The following ARHGAP18 variants were observed in gnomAD, a reference collection of about 807,000 sequenced individuals.
ARHGAP18 encodes Rho GTPase activating protein 18, also known as rho GTPase-activating protein 18.
In ARHGAP18, 67 loss-of-function variants were observed where a neutral mutation model predicts 86.2. The observed-to-expected ratio is 0.78, with a 90% confidence interval of 0.64 to 0.95. The LOEUF (loss-of-function observed/expected upper bound fraction) is 0.95, where lower values mean the gene tolerates loss of function less well. Ranked by LOEUF, ARHGAP18 falls within the 40% of genes least tolerant of loss-of-function variation. The pLI, the probability that ARHGAP18 is intolerant of heterozygous loss-of-function variation, is 0.00. For synonymous variants in ARHGAP18, 283 were observed against 280.4 expected (o/e 1.01, Z -0.09); for missense variants, 691 against 780.4 (o/e 0.89, Z 1.37).
chr6:129,702,118 T>A (rs1258917206), intron 1 of ARHGAP18, among the ~76,000 whole-genome samples: 2 of 152,222 alleles, frequency 1.3e-5, no homozygotes, highest in African/African-American at 4.8e-5. Context: ...GAAAAGGAGA[T>A]GAGGTTTCAT....
chr6:129,605,789 G>T, intron 10 of ARHGAP18, 88 bp downstream of exon 10: 1 of 1,196,950 alleles, frequency 8.4e-7, no homozygotes, highest in Non-Finnish European at 1.2e-6. Context: ...CCATGTCCAA[G>T]ATACACATCT....
At chr6:129,596,872 C>T (rs1788624614) in intron 12 of ARHGAP18, 2 of 152,192 alleles carry the variant, frequency 1.3e-5, no homozygotes, top group Non-Finnish European at 2.9e-5. Flanking sequence ...GGAAAGCAGG[C>T]CTCTTACTGC....
chr6:129,595,133 T>C (rs577723432), intron 12 of ARHGAP18, among the ~76,000 whole-genome samples: 72 of 101,096 alleles, frequency 7.1e-4, no homozygotes, highest in African/African-American at 3.6e-3. Context: ...CTACCATAAA[T>C]ATTACGAGAC....
At chr6:129,621,664 A>G (rs1242757273) in intron 5 of ARHGAP18, among the ~76,000 whole-genome samples, 1 of 152,236 alleles carries the variant, frequency 6.6e-6, no homozygotes, top group Non-Finnish European at 1.5e-5. Flanking sequence ...CTCAAAAAGT[A>G]TTACATATTA....
At chr6:129,702,715 G>C (rs1292779696) in intron 1 of ARHGAP18, among the ~76,000 whole-genome samples, 1 of 152,120 alleles carries the variant, frequency 6.6e-6, no homozygotes, top group Non-Finnish European at 1.5e-5. Flanking sequence ...GAAGAGGCAG[G>C]AGGGCCAGGC....
chr6:129,609,838 G>A (rs1788941737), intron 8 of ARHGAP18, among the ~76,000 whole-genome samples: 1 of 152,020 alleles, frequency 6.6e-6, no homozygotes, highest in South Asian at 2.1e-4. Context: ...TATGTAGTAA[G>A]AGCCAAGGAG....
chr6:129,606,654 T>C (rs1311352569), intron 9 of ARHGAP18, among the ~76,000 whole-genome samples: 1 of 152,124 alleles, frequency 6.6e-6, no homozygotes, highest in Non-Finnish European at 1.5e-5. Context: ...CATTAAAAAA[T>C]ATTTCCCACA....
intron 1 of ARHGAP18, among the ~76,000 whole-genome samples, chr6:129,662,151 T>C (rs551191931): frequency 5.9e-5 from 9 of 152,266 alleles, no homozygotes; most frequent in Non-Finnish European, 1.2e-4. Flanking sequence ...AAAATATATC[T>C]TTAATGGTTT....
At chr6:129,580,673 G>A (rs1466740706) in intron 13 of ARHGAP18, among the ~76,000 whole-genome samples, 1 of 152,082 alleles carries the variant, frequency 6.6e-6, no homozygotes, top group African/African-American at 2.4e-5. Context: ...GATCGCTTGA[G>A]CCCAGTCTGG....
At chr6:129,670,252 G>A (rs1407097112) in intron 1 of ARHGAP18, among the ~76,000 whole-genome samples, 1 of 152,178 alleles carries the variant, frequency 6.6e-6, no homozygotes, top group Non-Finnish European at 1.5e-5. Context: ...TTTAAAAAAG[G>A]AAATAAACCT....
At chr6:129,637,708 G>A (rs1048388710) in intron 3 of ARHGAP18, among the ~76,000 whole-genome samples, 1 of 152,166 alleles carries the variant, frequency 6.6e-6, no homozygotes, top group Non-Finnish European at 1.5e-5. Flanking sequence ...CAATCTCGCT[G>A]TTTCTGTACC....
chr6:129,680,648 G>A (rs996304748), intron 1 of ARHGAP18, among the ~76,000 whole-genome samples: 14 of 152,334 alleles, frequency 9.2e-5, no homozygotes, highest in South Asian at 2.1e-4. Flanking sequence ...AGGATCAGAG[G>A]TAAATCTGGG....
intron 10 of ARHGAP18, 114 bp from the exon 11 acceptor site, chr6:129,600,962 G>T: frequency 1.2e-6 from 1 of 852,860 alleles, no homozygotes; most frequent in Non-Finnish European, 1.8e-6. Context: ...TATAAGCACA[G>T]TCAACTAATC....
intron 1 of ARHGAP18, among the ~76,000 whole-genome samples, chr6:129,680,288 G>C (rs1774303398): frequency 6.6e-6 from 1 of 152,150 alleles, no homozygotes; most frequent in African/African-American, 2.4e-5. Flanking sequence ...TACTAAGCCA[G>C]AGCATTTACA....
chr6:129,684,712 G>C (rs1228986295), intron 1 of ARHGAP18, among the ~76,000 whole-genome samples: 1 of 152,142 alleles, frequency 6.6e-6, no homozygotes, highest in Non-Finnish European at 1.5e-5. Context: ...TGGCCATCTG[G>C]TGACTTTCAC....
chr6:129,601,474 AAAGAGAAGAG>A (rs762686939), intron 10 of ARHGAP18, among the ~76,000 whole-genome samples: 4 of 151,906 alleles, frequency 2.6e-5, no homozygotes, highest in Non-Finnish European at 5.9e-5. Context: ...CAAAAAAGGA[AAAGAGAAGAG>A]AAGAGAAGAG....
chr6:129,699,413 T>C (rs1774675806), intron 1 of ARHGAP18, among the ~76,000 whole-genome samples: 1 of 152,108 alleles, frequency 6.6e-6, no homozygotes, highest in African/African-American at 2.4e-5. Flanking sequence ...CTTTTACATC[T>C]CAGATCACAA....
intron 7 of ARHGAP18, 62 bp downstream of exon 7, chr6:129,616,150 T>C (rs1413200040): frequency 2.3e-6 from 3 of 1,292,724 alleles, no homozygotes; most frequent in Admixed American, 4.3e-5. Context: ...ATAATATGAA[T>C]ACAAAAACCA....
Position 129,605,967 on chromosome 6 carries a change from C to G in ARHGAP18, c.1283-8G>C. ...GCTTCTTGGTTGGAAGATCTGCAGA[C>G]AAATTAAATAAATCTGAACTCTTTT... On this transcript the variant is annotated splice_polypyrimidine_tract_variant and splice_region_variant and intron_variant, in intron 9 of 14. Coordinates refer to ENST00000368149, the MANE Select transcript of ARHGAP18 (RefSeq NM_033515.3). 1 of 1,611,712 alleles carries G rather than the reference C, an allele frequency of 6.2e-7. No individual in the cohort carries two copies. The highest frequency in any genetic ancestry group is 8.5e-7 in the Non-Finnish European group (1 of 1,178,066).
Sources: allele counts gnomAD v4.1 joint callset (sites outside exome capture counted in the v4.1 genomes callset), GRCh38; gene constraint gnomAD v4.1.1; transcripts MANE v1.5; gene names NCBI Gene and HGNC (gene_info 2026-07-23, HGNC 2026-07-21).